Variants in FIP1L1 observed in about 807,000 individuals in gnomAD.
FIP1L1 encodes the protein factor interacting with PAPOLA and CPSF1, also known as pre-mRNA 3'-end-processing factor FIP1.
In FIP1L1, 21 loss-of-function variants were observed where a neutral mutation model predicts 84.6. The observed-to-expected ratio is 0.25, with a 90% CI of 0.18 to 0.36. The LOEUF is 0.36. FIP1L1 is among the 10% of genes least tolerant of loss of function. The pLI is 1.00. For missense variants in FIP1L1, 526 were observed against 751.1 expected, an observed-to-expected ratio of 0.70 and a Z score of 3.50; for synonymous variants, 263 against 242.3, an observed-to-expected ratio of 1.09 and a Z score of -0.80.
chr4:53,406,823 G>T (rs1753791587), intron 10 of FIP1L1, among the ~76,000 whole-genome samples: 1 of 152,184 alleles, frequency 6.6e-6, no homozygotes, highest in Non-Finnish European at 1.5e-5. Flanking sequence ...TTCTCTCATG[G>T]TAATTTGTAT....
At chr4:53,407,806 A>G (rs931506544) in intron 10 of FIP1L1, among the ~76,000 whole-genome samples, 1 of 152,126 alleles carries the variant, frequency 6.6e-6, no homozygotes, top group African/African-American at 2.4e-5. Context: ...ATCAGAGACT[A>G]GGACTGCAAC....
intron 1 of FIP1L1, chr4:53,378,789 C>T: frequency 4.8e-6 from 2 of 413,442 alleles, no homozygotes; most frequent in Non-Finnish European, 8.6e-6. Context: ...TCTTGATTGT[C>T]TTTAGAATAG....
Position 53,406,255 on chromosome 4 carries a change from T to G in FIP1L1, c.815+6416T>G, listed in dbSNP as rs372392687. Among the ~76,000 whole-genome samples the G allele has an allele frequency of 1.9e-4, 29 of 152,350 alleles. 1 individual carries two copies. In the East Asian group the frequency reaches 5.4e-3, roughly 28 times the overall value. The stretch of plus-strand genomic sequence containing the variant: ...AATTTTGTCAAAGGCCTTTTCTGCA[T>G]CTATTGAGATAATCGTGGTTTTTGT... On this transcript the variant is annotated intron_variant, in intron 10 of 17. Coordinates refer to ENST00000337488, the MANE Select transcript of FIP1L1 (RefSeq NM_030917.4).
At chr4:53,446,980 G>A (rs750561148) in intron 15 of FIP1L1, among the ~76,000 whole-genome samples, 4 of 151,934 alleles carry the variant, frequency 2.6e-5, no homozygotes, top group Non-Finnish European at 5.9e-5. Flanking sequence ...TGAATGGAAA[G>A]CCTCTTTAGT....
At chr4:53,448,016 G>A (rs1774927766) in intron 15 of FIP1L1, among the ~76,000 whole-genome samples, 1 of 151,878 alleles carries the variant, frequency 6.6e-6, no homozygotes, top group Non-Finnish European at 1.5e-5. Context: ...GTTTTTCCTT[G>A]TATGTCATCA....
At chr4:53,392,464 GTTC>G (rs1267748660) in intron 9 of FIP1L1, among the ~76,000 whole-genome samples, 3 of 152,114 alleles carry the variant, frequency 2.0e-5, no homozygotes, top group Admixed American at 6.6e-5. Context: ...TAAGTATTTG[GTTC>G]TTCTTTTGCA....
chr4:53,406,842 G>T (rs1753802698), intron 10 of FIP1L1, among the ~76,000 whole-genome samples: 1 of 152,144 alleles, frequency 6.6e-6, no homozygotes, highest in Admixed American at 6.5e-5. Flanking sequence ...ATTTCTGTGG[G>T]ATCGGTGGTG....
rs1230610231 is a variant in FIP1L1 at position 53,377,815 on chromosome 4, G to A, written c.-24G>A. On this transcript the variant is annotated 5_prime_UTR_variant, in exon 1 of 18. Coordinates refer to ENST00000337488, the MANE Select transcript of FIP1L1 (RefSeq NM_030917.4). Reference sequence around the variant, plus strand: ...GTTGGAGGGGGCTGTTGATCGCCGCGTTTAAGTTGCGCTCGGGGCGGCCAT... The same window carrying A: ...GTTGGAGGGGGCTGTTGATCGCCGCATTTAAGTTGCGCTCGGGGCGGCCAT... 5 of 1,540,708 alleles carry A rather than the reference G, an allele frequency of 3.2e-6. No individual in the cohort carries two copies. Among genetic ancestry groups the A allele is most frequent in the African/African-American group, 1.4e-5 (1 of 72,698 alleles).
At chr4:53,452,353 C>T (rs370689310) in intron 15 of FIP1L1, among the ~76,000 whole-genome samples, 4 of 151,156 alleles carry the variant, frequency 2.6e-5, no homozygotes, top group African/African-American at 9.7e-5. Context: ...TAGTCTCACT[C>T]TGTCGCCCAG....
Position 53,414,654 on chromosome 4 carries a change from C to T in FIP1L1, c.855C>T (p.Ser285=), listed in dbSNP as rs375304698. The T allele has an allele frequency of 6.2e-7, 1 of 1,613,406 alleles. No individual in the cohort carries two copies. The highest frequency in any genetic ancestry group is 8.5e-7 in the Non-Finnish European group (1 of 1,179,562). ...CTCAGTCTCAGACAAGTACTGCCTC[C>T]AGAAAAGCCAATTCAAGCGTTGGGA... The part of the protein sequence containing the change: ...TSSQSQTSTA[S]RKANSSVGKW... Residue 285 remains serine, a synonymous_variant, in exon 11 of 18, where the codon TCC becomes TCT. Transcript: ENST00000337488.
At chr4:53,422,913 G>A (rs148415347) in intron 11 of FIP1L1, among the ~76,000 whole-genome samples, 245 of 152,040 alleles carry the variant, frequency 1.6e-3, no homozygotes, top group African/African-American at 5.0e-3. Flanking sequence ...ACAAAGTCTC[G>A]CCATGTTGCC....
At chr4:53,433,666 T>C (rs1767750377) in intron 13 of FIP1L1, among the ~76,000 whole-genome samples, 1 of 152,198 alleles carries the variant, frequency 6.6e-6, no homozygotes, top group Non-Finnish European at 1.5e-5. Context: ...GGAATTCTGC[T>C]GAGTTGAAGA....
chr4:53,442,616 T>C, intron 13 of FIP1L1, 37 bp from the exon 14 acceptor site: 1 of 1,458,844 alleles, frequency 6.9e-7, no homozygotes, highest in African/African-American at 1.4e-5. Context: ...TAAGTGTACA[T>C]TGTTAACATT....
chr4:53,429,670 CTT>C (rs1360833036), intron 13 of FIP1L1, among the ~76,000 whole-genome samples: 1 of 151,774 alleles, frequency 6.6e-6, no homozygotes, highest in African/African-American at 2.4e-5. Context: ...ATTCTTAAAA[CTT>C]TTTAAAAATT....
intron 10 of FIP1L1, among the ~76,000 whole-genome samples, chr4:53,402,279 A>G (rs1750659576): frequency 6.6e-6 from 1 of 152,156 alleles, no homozygotes; most frequent in Non-Finnish European, 1.5e-5. Context: ...GTGGGAGGAA[A>G]AGAATTAGAA....
chr4:53,387,413 T>C (rs1375436705), intron 5 of FIP1L1, among the ~76,000 whole-genome samples: 1 of 152,218 alleles, frequency 6.6e-6, no homozygotes, highest in Non-Finnish European at 1.5e-5. Context: ...AGGTGGGTGC[T>C]ACTGCTCCCA....
chr4:53,447,417 C>A (rs1024936218), intron 15 of FIP1L1, among the ~76,000 whole-genome samples: 10 of 152,102 alleles, frequency 6.6e-5, no homozygotes, highest in African/African-American at 2.4e-4. Context: ...TCTTTCTAAG[C>A]CTTCACTGAA....
At chr4:53,425,628 GACTTAAA>G (rs1349060079) in intron 11 of FIP1L1, among the ~76,000 whole-genome samples, 2 of 152,042 alleles carry the variant, frequency 1.3e-5, no homozygotes, top group Non-Finnish European at 2.9e-5. Flanking sequence ...GCTCTACAGA[GACTTAAA>G]ACTTAACATT....
intron 3 of FIP1L1, among the ~76,000 whole-genome samples, chr4:53,381,969 C>T (rs1738316101): frequency 6.6e-6 from 1 of 150,952 alleles, no homozygotes; most frequent in Non-Finnish European, 1.5e-5. Context: ...CGGGGTTTTA[C>T]CATCTTGGCC....
Sources: allele counts gnomAD v4.1 joint callset (sites outside exome capture counted in the v4.1 genomes callset), GRCh38; gene constraint gnomAD v4.1.1; transcripts MANE v1.5; gene names NCBI Gene and HGNC (gene_info 2026-07-23, HGNC 2026-07-21).